The following TSHZ2 variants were observed in gnomAD, a reference collection of about 807,000 sequenced individuals.
TSHZ2 encodes teashirt zinc finger homeobox 2.
In TSHZ2, 21 loss-of-function variants were observed where a neutral mutation model predicts 74.4. The ratio of observed to expected loss-of-function variants is 0.28; its 90% CI spans 0.20 to 0.41. TSHZ2 has a LOEUF of 0.41. TSHZ2 is among the 10% of genes least tolerant of loss of function. TSHZ2 has a pLI of 1.00. For missense variants in TSHZ2, 1,244 were observed against 1,293.5 expected, an observed-to-expected ratio of 0.96 and a Z score of 0.59; for synonymous variants, 540 against 515.3, an observed-to-expected ratio of 1.05 and a Z score of -0.65.
At chr20:53,228,184 C>T (rs1463896450) in intron 1 of TSHZ2, among the ~76,000 whole-genome samples, 14 of 151,644 alleles carry the variant, frequency 9.2e-5, no homozygotes, top group Admixed American at 7.9e-4. Context: ...AACAGAAACC[C>T]TGGTTTTGTG....
intron 1 of TSHZ2, among the ~76,000 whole-genome samples, chr20:52,990,404 T>A (rs1981936285): frequency 8.1e-6 from 1 of 123,338 alleles, no homozygotes; most frequent in Non-Finnish European, 1.6e-5. Flanking sequence ...ATAAAATATA[T>A]CAATAATCCC....
chr20:53,383,353 A>G (rs1209263219), intron 2 of TSHZ2, among the ~76,000 whole-genome samples: 3 of 152,204 alleles, frequency 2.0e-5, no homozygotes, highest in Non-Finnish European at 4.4e-5. Context: ...GTAGTCTGTC[A>G]TTAGCCTGAA....
At chr20:53,101,797 A>G (rs576536803) in intron 1 of TSHZ2, among the ~76,000 whole-genome samples, 36 of 152,352 alleles carry the variant, frequency 2.4e-4, no homozygotes, top group African/African-American at 8.4e-4. Flanking sequence ...TAGAGGTCGT[A>G]TTGGTGATGG....
chr20:53,210,606 G>A (rs1237231655), intron 1 of TSHZ2, among the ~76,000 whole-genome samples: 1 of 151,818 alleles, frequency 6.6e-6, no homozygotes, highest in Non-Finnish European at 1.5e-5. Context: ...TGGAGCCTGG[G>A]GTTTGGGGTT....
intron 2 of TSHZ2, among the ~76,000 whole-genome samples, chr20:53,391,556 T>A (rs1318704448): frequency 6.6e-6 from 1 of 151,760 alleles, no homozygotes; most frequent in Non-Finnish European, 1.5e-5. Context: ...TTCAGCCTCC[T>A]AAAGTGCTGG....
intron 2 of TSHZ2, among the ~76,000 whole-genome samples, chr20:53,460,166 C>T (rs1339822204): frequency 6.6e-6 from 1 of 151,700 alleles, no homozygotes; most frequent in Non-Finnish European, 1.5e-5. Context: ...CAACTTGGTT[C>T]CATTCTCCCC....
At chr20:53,438,124 T>G (rs1345951802) in intron 2 of TSHZ2, among the ~76,000 whole-genome samples, 3 of 151,268 alleles carry the variant, frequency 2.0e-5, no homozygotes, top group Non-Finnish European at 4.4e-5. Flanking sequence ...TCTTTTTTTT[T>G]TTGGAGACAG....
intron 1 of TSHZ2, among the ~76,000 whole-genome samples, chr20:53,030,359 A>G (rs1983590750): frequency 6.6e-6 from 1 of 152,170 alleles, no homozygotes; most frequent in Non-Finnish European, 1.5e-5. Context: ...CTTAAAAAAA[A>G]AAAAAAAATA....
At chr20:53,459,208 C>T (rs891850007) in intron 2 of TSHZ2, among the ~76,000 whole-genome samples, 8 of 152,142 alleles carry the variant, frequency 5.3e-5, no homozygotes, top group African/African-American at 1.9e-4. Context: ...CTTTGTAGGT[C>T]ACTCAGGACA....
chr20:53,253,551 G>A lies in TSHZ2; in HGVS notation c.93G>A (p.Glu31=). The change falls in exon 2 of 3, where the codon GAG becomes GAA. Residue 31 remains glutamate, a synonymous_variant. Transcript: ENST00000371497. ...LKEEEEIKEE[E]EEEDSGSVAQ... The stretch of plus-strand genomic sequence containing the variant: ...AAGAGGAGGAAATAAAAGAAGAGGA[G>A]GAGGAGGAGGACAGCGGTTCAGTAG... 6.2e-7 allele frequency: 1 copy of A among 1,613,720 alleles called. No homozygotes were observed. Among genetic ancestry groups the A allele is most frequent in the Non-Finnish European group, 8.5e-7 (1 of 1,179,802 alleles).
intron 1 of TSHZ2, among the ~76,000 whole-genome samples, chr20:53,134,408 T>C (rs970497464): frequency 6.6e-6 from 1 of 152,244 alleles, no homozygotes; most frequent in Non-Finnish European, 1.5e-5. Flanking sequence ...TCTGACACTG[T>C]AGAATGTTTA....
At chr20:53,048,310 GA>G (rs1204167766) in intron 1 of TSHZ2, among the ~76,000 whole-genome samples, 3 of 147,260 alleles carry the variant, frequency 2.0e-5, no homozygotes, top group Non-Finnish European at 3.0e-5. Flanking sequence ...AGAAGGGGAG[GA>G]GAGAGAGAGA....
chr20:53,418,756 G>C (rs879873951), intron 2 of TSHZ2, among the ~76,000 whole-genome samples: 6 of 152,092 alleles, frequency 3.9e-5, no homozygotes, highest in Non-Finnish European at 5.9e-5. Context: ...AAAAGTTAGA[G>C]ACTCCCAGGT....
chr20:53,069,580 G>A (rs1315869), intron 1 of TSHZ2, among the ~76,000 whole-genome samples: 73,824 of 151,132 alleles, frequency 0.49, 19,110 homozygotes, highest in Middle Eastern at 0.61. Context: ...AAGGGGAAAC[G>A]GGTTAACAAA....
chr20:52,980,784 A>T (rs1046626291), intron 1 of TSHZ2, among the ~76,000 whole-genome samples: 1 of 152,188 alleles, frequency 6.6e-6, no homozygotes, highest in African/African-American at 2.4e-5. Context: ...AAAATGAGAC[A>T]GAGGGTCAAG....
intron 1 of TSHZ2, among the ~76,000 whole-genome samples, chr20:53,251,453 C>T (rs1464343615): frequency 2.0e-5 from 3 of 152,048 alleles, no homozygotes; most frequent in African/African-American, 4.8e-5. Flanking sequence ...GGGATGATAC[C>T]GACAGGAATA....
Position 53,386,614 on chromosome 20 carries a change from A to G in TSHZ2, c.*9-100530A>G, listed in dbSNP as rs201200017. On this transcript the variant is annotated intron_variant, in intron 2 of 2. Transcript: ENST00000371497. The stretch of plus-strand genomic sequence containing the variant: ...ACTGCTGCAGGTTGTCAAGGGCGAC[A>G]CTTCTGATTTAGTATAAACGAATGC... 5.3e-5 allele frequency among the ~76,000 whole-genome samples: 8 copies of G among 152,362 alleles called. No individual in the cohort carries two copies. The East Asian group carries it at 1.5e-3, about 29-fold the overall frequency.
At chr20:53,387,307 GCTGTGGCCT>G (rs1982084859) in intron 2 of TSHZ2, among the ~76,000 whole-genome samples, 1 of 152,198 alleles carries the variant, frequency 6.6e-6, no homozygotes, top group Non-Finnish European at 1.5e-5. Flanking sequence ...TTTCTTCCTA[GCTGTGGCCT>G]CTGTTGACCA....
intron 1 of TSHZ2, among the ~76,000 whole-genome samples, chr20:52,975,372 T>A (rs1981291605): frequency 6.6e-6 from 1 of 152,152 alleles, no homozygotes. Context: ...TTGCTCAGAA[T>A]TGCTCGACTT....
Sources: allele counts gnomAD v4.1 joint callset (sites outside exome capture counted in the v4.1 genomes callset), GRCh38; gene constraint gnomAD v4.1.1; transcripts MANE v1.5; gene names NCBI Gene and HGNC (gene_info 2026-07-23, HGNC 2026-07-21).